SYNE1: variants seen among roughly 807,000 people sequenced by gnomAD.
The protein encoded by SYNE1 is nesprin-1.
Under a neutral mutation model 1,111.0 loss-of-function variants are expected in SYNE1, and 616 were observed. That is an observed-to-expected ratio of 0.55 (90% CI 0.52 to 0.59). The LOEUF (loss-of-function observed/expected upper bound fraction) is 0.59. Among genes scored for constraint, SYNE1 ranks in the 20% least tolerant of loss-of-function variants. The pLI is 0.00. For synonymous variants in SYNE1, 3,855 were observed against 3,825.8 expected (o/e 1.01, Z -0.28); for missense variants, 10,006 against 10,417.0 (o/e 0.96, Z 1.72).
At chr6:152,457,203 T>C (rs1182942271) in intron 22 of SYNE1, among the ~76,000 whole-genome samples, 1 of 148,844 alleles carries the variant, frequency 6.7e-6, no homozygotes, top group Non-Finnish European at 1.5e-5. Flanking sequence ...TGCCACTTAT[T>C]ATATGCTAGT....
chr6:152,127,474 G>T lies in SYNE1; in HGVS notation c.26153+3246C>A, dbSNP rs141951358. On this transcript the variant is annotated intron_variant, in intron 145 of 145. Transcript: ENST00000367255. ...CTATTATCTGTATAATGATACCAAG[G>T]GTGTGCCGACTCATACCCTTAGGGG... 293 of 152,140 alleles carry T rather than the reference G, an allele frequency of 1.9e-3. 5 individuals carry two copies. Among genetic ancestry groups the T allele is most frequent in the African/African-American group, 6.7e-3 (277 of 41,496 alleles). 9.4% of individuals were successfully genotyped at this position (152,140 alleles called of 1,614,324 possible). A position where few individuals can be genotyped will look rare whatever the true frequency, so the allele number is the denominator to read the frequency against.
intron 3 of SYNE1, among the ~76,000 whole-genome samples, chr6:152,585,765 A>G (rs2099536224): frequency 6.6e-6 from 1 of 152,220 alleles, no homozygotes; most frequent in Admixed American, 6.5e-5. Flanking sequence ...TGATTTTTAA[A>G]ATAGTTCTAT....
rs980457912 is a variant in SYNE1, at chr6:152,394,941, C to A, written c.7712+575G>T. 3.1e-4 allele frequency among the ~76,000 whole-genome samples: 47 copies of A among 151,810 alleles called. 1 individual carries two copies. The highest frequency in any genetic ancestry group is 8.8e-5 in the Non-Finnish European group (6 of 67,944). On this transcript the variant is annotated intron_variant, in intron 51 of 145. Coordinates refer to ENST00000367255, the MANE Select transcript of SYNE1 (RefSeq NM_182961.4). ...GGAATTACAGGTGCCCTCCACCACG[C>A]CCAGCTAATTTTTGTATTTTTAGTA... is the stretch of plus-strand genomic sequence containing the variant.
intron 4 of SYNE1, among the ~76,000 whole-genome samples, chr6:152,536,237 T>G (rs1423283366): frequency 2.0e-5 from 3 of 150,392 alleles, no homozygotes; most frequent in Non-Finnish European, 4.4e-5. Context: ...TACAAGCTCT[T>G]GATCATTCCC....
chr6:152,295,525 T>C (rs190943742), intron 93 of SYNE1, among the ~76,000 whole-genome samples: 2 of 152,198 alleles, frequency 1.3e-5, no homozygotes, highest in Admixed American at 1.3e-4. Flanking sequence ...GACTCTTGTT[T>C]CTCTTGCTCT....
rs764523724 is a variant in SYNE1 at position 152,409,577 on chromosome 6, A to G, written c.6363T>C (p.Leu2121=). The part of the protein sequence containing the change: ...TRTTIKDQED[L]KWAFSKHETA... ...ATTTTACCTTGGAAAAAGCCCATTT[A>G]AGATCCTCCTGATCTTTTATGGTAG... The change falls in exon 43 of 146, where the codon CTT becomes CTC. Residue 2121 remains leucine, a synonymous_variant. Coordinates refer to ENST00000367255, the MANE Select transcript of SYNE1 (RefSeq NM_182961.4). The G allele has an allele frequency of 9.3e-6, 15 of 1,613,782 alleles. No homozygotes were observed. The highest frequency in any genetic ancestry group is 1.3e-5 in the Non-Finnish European group (15 of 1,179,954).
chr6:152,526,802 A>G (rs1221935263), intron 4 of SYNE1, among the ~76,000 whole-genome samples: 2 of 152,214 alleles, frequency 1.3e-5, no homozygotes, highest in Non-Finnish European at 2.9e-5. Context: ...CCAAAAGATC[A>G]TAAGCACAAA....
intron 95 of SYNE1, 21 bp downstream of exon 95, chr6:152,293,567 T>A: frequency 6.2e-7 from 1 of 1,613,746 alleles, no homozygotes; most frequent in Non-Finnish European, 8.5e-7. Flanking sequence ...AGTAGGAAAC[T>A]GAAGTCATGG....
chr6:152,168,235 C>A, intron 130 of SYNE1: 1 of 734,232 alleles, frequency 1.4e-6, no homozygotes, highest in Non-Finnish European at 2.5e-6. Context: ...TTAGACTCTG[C>A]AGAGCAAAAA....
chr6:152,183,461 C>T (rs950148645), intron 128 of SYNE1, among the ~76,000 whole-genome samples: 1 of 151,990 alleles, frequency 6.6e-6, no homozygotes, highest in Non-Finnish European at 1.5e-5. Flanking sequence ...ATTAGCCAGG[C>T]GTGGTGGCAG....
intron 10 of SYNE1, among the ~76,000 whole-genome samples, chr6:152,501,228 A>G (rs1366293583): frequency 1.3e-5 from 2 of 152,152 alleles, no homozygotes; most frequent in South Asian, 2.1e-4. Flanking sequence ...TTAAAAATAG[A>G]ATACAATACT....
At chr6:152,463,323 TTGAGG>T in intron 19 of SYNE1, 25 bp downstream of exon 19, 5 of 1,613,442 alleles carry the variant, frequency 3.1e-6, no homozygotes, top group Non-Finnish European at 3.4e-6. Flanking sequence ...CACATACACG[TTGAGG>T]TGTATATAGA....
intron 130 of SYNE1, among the ~76,000 whole-genome samples, chr6:152,167,522 A>C (rs576161981): frequency 6.6e-6 from 1 of 152,234 alleles, no homozygotes; most frequent in Non-Finnish European, 1.5e-5. Context: ...AAACATTTGC[A>C]TAATGCACTA....
chr6:152,378,152 A>G (rs1328096903), intron 56 of SYNE1, among the ~76,000 whole-genome samples: 2 of 152,348 alleles, frequency 1.3e-5, no homozygotes, highest in Non-Finnish European at 2.9e-5. Context: ...TCATAAAATC[A>G]GAAGGAGAAT....
chr6:152,587,177 C>G (rs1309222692), intron 3 of SYNE1, among the ~76,000 whole-genome samples: 1 of 152,092 alleles, frequency 6.6e-6, no homozygotes, highest in African/African-American at 2.4e-5. Flanking sequence ...ATACTCCTAT[C>G]CTAAAGATTT....
intron 11 of SYNE1, among the ~76,000 whole-genome samples, chr6:152,496,235 T>C (rs1478676017): frequency 6.6e-6 from 1 of 152,080 alleles, no homozygotes; most frequent in Non-Finnish European, 1.5e-5. Context: ...AAGACAGGAA[T>C]AGGCCTCGAC....
Position 152,133,239 on chromosome 6 carries a change from A to G in SYNE1, c.26001+37T>C, listed in dbSNP as rs113393784. 3.1e-6 allele frequency: 5 copies of G among 1,589,166 alleles called. No homozygotes were observed. The Middle Eastern group carries it at 6.7e-4, about 212-fold the overall frequency. On this transcript the variant is annotated intron_variant, in intron 143 of 145. Transcript: ENST00000367255. ...AGATGATGCTTCTTTGGTCTCCAGT[A>G]AGAAATGCTACACGATGATGTCTGT... is the stretch of plus-strand genomic sequence containing the variant.
At chr6:152,206,474 C>T (rs2076530433) in intron 125 of SYNE1, 112 bp from the exon 126 acceptor site, 1 of 1,165,898 alleles carries the variant, frequency 8.6e-7, no homozygotes, top group Non-Finnish European at 1.2e-6. Context: ...CAAGCATTTA[C>T]CGTAGTGGTG....
chr6:152,454,749 C>A (rs1593051419), intron 24 of SYNE1, among the ~76,000 whole-genome samples: 1 of 152,260 alleles, frequency 6.6e-6, no homozygotes, highest in East Asian at 1.9e-4. Context: ...GTTTTGTGGT[C>A]ACAGACATTA....
Sources: allele counts gnomAD v4.1 joint callset (sites outside exome capture counted in the v4.1 genomes callset), GRCh38; gene constraint gnomAD v4.1.1; transcripts MANE v1.5; gene names NCBI Gene and HGNC (gene_info 2026-07-23, HGNC 2026-07-21).